The following GOLM2 variants were observed in gnomAD, a reference collection of about 807,000 sequenced individuals.
GOLM2 encodes golgi membrane protein 2.
GOLM2 carries 26 observed loss-of-function variants against 55.9 expected under a neutral mutation model. The observed-to-expected ratio is 0.47, with a 90% CI of 0.34 to 0.65. The LOEUF (loss-of-function observed/expected upper bound fraction) is 0.65. GOLM2 is among the 30% of genes least tolerant of loss of function. The pLI, the probability that GOLM2 is intolerant of heterozygous loss-of-function variation, is 0.01. For synonymous variants in GOLM2, 165 were observed against 194.6 expected (o/e 0.85, Z 1.27); for missense variants, 486 against 531.8 (o/e 0.91, Z 0.85).
intron 6 of GOLM2, among the ~76,000 whole-genome samples, chr15:44,344,321 T>C (rs76528287): frequency 0.05 from 7,439 of 149,026 alleles, 303 homozygotes; most frequent in East Asian, 0.19. Flanking sequence ...ACCTCTGAAA[T>C]AGTCAAGGGT....
chr15:44,384,608 G>A (rs1026368585), intron 8 of GOLM2, among the ~76,000 whole-genome samples: 6 of 152,126 alleles, frequency 3.9e-5, no homozygotes, highest in South Asian at 4.1e-4. Flanking sequence ...TTAGCCGGGC[G>A]TGGTGGCGGG....
intron 6 of GOLM2, among the ~76,000 whole-genome samples, chr15:44,372,124 C>G (rs532622760): frequency 2.0e-5 from 3 of 152,296 alleles, no homozygotes; most frequent in South Asian, 4.1e-4. Context: ...AAAATCTGGT[C>G]TAACTCCAAA....
chr15:44,337,951 G>C, intron 5 of GOLM2, 44 bp downstream of exon 5: 4 of 1,514,108 alleles, frequency 2.6e-6, no homozygotes, highest in Non-Finnish European at 3.6e-6. Flanking sequence ...ATAGGATATT[G>C]ACTTTTTCTT....
In GOLM2 at chr15:44,403,024, G is replaced by C; in HGVS notation, c.1210G>C (p.Asp404His). 1.2e-6 allele frequency: 2 copies of C among 1,614,152 alleles called. No homozygotes were observed. Among genetic ancestry groups the C allele is most frequent in the Non-Finnish European group, 1.7e-6 (2 of 1,180,016 alleles). ...TGAGCTGGCTTACAATGAGGAAGAA[G>C]ATGGTGATGGTGGAGAGGAAGACGT... ...QAELAYNEEE[D>H]GDGGEEDVQD... is the part of the protein sequence containing the mutation. Residue 404 changes from aspartate (D) to histidine (H), a missense_variant, in exon 9 of 10, where the codon GAT becomes CAT. Physicochemically the swap from Asp to His is moderately conservative, Grantham distance 81 (BLOSUM62 -1). Transcript: ENST00000299957.
intron 6 of GOLM2, among the ~76,000 whole-genome samples, chr15:44,356,607 A>T (rs1167754421): frequency 6.6e-6 from 1 of 152,200 alleles, no homozygotes; most frequent in Non-Finnish European, 1.5e-5. Context: ...CCAGGTACAG[A>T]TGGGTTTGCC....
chr15:44,397,854 T>C (rs973119235), intron 8 of GOLM2, among the ~76,000 whole-genome samples: 4 of 152,156 alleles, frequency 2.6e-5, no homozygotes, highest in Non-Finnish European at 5.9e-5. Context: ...CCTTCCCAAT[T>C]TGGGATATAG....
intron 6 of GOLM2, among the ~76,000 whole-genome samples, chr15:44,340,389 C>G (rs576226605): frequency 3.9e-5 from 6 of 152,132 alleles, no homozygotes; most frequent in African/African-American, 1.4e-4. Context: ...CCACCTCAGC[C>G]TTCTAGGACT....
At chr15:44,385,058 G>A (rs1336198435) in intron 8 of GOLM2, among the ~76,000 whole-genome samples, 1 of 152,080 alleles carries the variant, frequency 6.6e-6, no homozygotes, top group African/African-American at 2.4e-5. Context: ...TCAGTTGTAT[G>A]GATACATTTT....
rs774026349 is a variant in GOLM2, at chr15:44,413,369, C to A, written c.1274C>A (p.Ala425Glu). 6.8e-6 allele frequency: 11 copies of A among 1,610,808 alleles called. No individual in the cohort carries two copies. The highest frequency in any genetic ancestry group is 9.3e-6 in the Non-Finnish European group (11 of 1,179,122). The change falls in exon 10 of 10, where the codon GCA (alanine) becomes GAA (glutamate). Residue 425 changes from alanine to glutamate, a missense_variant. By Grantham distance (107) the Ala-to-Glu change is moderately radical (BLOSUM62 -1). Transcript: ENST00000299957. ...DEERELQMDP[A>E]DYGKQHFNDV... ...GAACGAGAGCTTCAAATGGATCCTG[C>A]AGACTATGGAAAGCAACATTTCAAT...
In GOLM2 at chr15:44,415,248, T is replaced by C. The variant is rs991510095; in HGVS notation, c.*1842T>C. On this transcript the variant is annotated 3_prime_UTR_variant, in exon 10 of 10. Coordinates refer to ENST00000299957, the MANE Select transcript of GOLM2 (RefSeq NM_138423.4). ...GGGTCAGGCCTACAATGAATAGGTA[T>C]GGTGGTTTCACAGAATTTTAAAATA... 10 of 152,628 alleles carry C rather than the reference T, an allele frequency of 6.6e-5. No homozygotes were observed. The highest frequency in any genetic ancestry group is 2.2e-4 in the African/African-American group (9 of 41,458). 9.5% of individuals were successfully genotyped at this position (152,628 alleles called of 1,614,324 possible). A position where few individuals can be genotyped will look rare whatever the true frequency, so the allele number is the denominator to read the frequency against.
In GOLM2 at chr15:44,350,400, A is replaced by T. The variant is rs553961101; in HGVS notation, c.802+12083A>T. 4.5e-4 allele frequency among the ~76,000 whole-genome samples: 68 copies of T among 152,330 alleles called. No homozygotes were observed. The South Asian group carries it at 0.011, about 25-fold the overall frequency. ...GAAAGGGTTAAATTCCTAGACACAT[A>T]CAGTCTACTAAGATAGAACCATGAG... On this transcript the variant is annotated intron_variant, in intron 6 of 9. Transcript: ENST00000299957.
At chr15:44,348,589 C>T (rs1057194130) in intron 6 of GOLM2, 3 of 152,172 alleles carry the variant, frequency 2.0e-5, no homozygotes, top group African/African-American at 7.2e-5. Context: ...GGGAATTTGC[C>T]ACCCTGAAAG....
At chr15:44,411,013 CTTTTTTTTT>C (rs201998296) in intron 9 of GOLM2, among the ~76,000 whole-genome samples, 4 of 81,330 alleles carry the variant, frequency 4.9e-5, no homozygotes, top group African/African-American at 1.3e-4. Flanking sequence ...GTTTGTTTGA[CTTTTTTTTT>C]TTTTTTTTTT....
chr15:44,301,512 A>G (rs2141110433), intron 1 of GOLM2, among the ~76,000 whole-genome samples: 1 of 152,316 alleles, frequency 6.6e-6, no homozygotes, highest in South Asian at 2.1e-4. Context: ...TGAACAAGAC[A>G]GATATGGTAT....
At chr15:44,363,419 T>C (rs1210032652) in intron 6 of GOLM2, among the ~76,000 whole-genome samples, 4 of 152,204 alleles carry the variant, frequency 2.6e-5, no homozygotes, top group Non-Finnish European at 1.5e-5. Flanking sequence ...AAGCCATTTA[T>C]GCAGCCAAAA....
Position 44,413,303 on chromosome 15 carries a change from T to G in GOLM2, c.1241-33T>G, listed in dbSNP as rs746827755. The G allele has an allele frequency of 2.0e-6, 3 of 1,515,902 alleles. No individual in the cohort carries two copies. In the African/African-American group the frequency reaches 4.1e-5, roughly 21 times the overall value. 93.9% of individuals were successfully genotyped at this position (1,515,902 alleles called of 1,614,324 possible). On this transcript the variant is annotated intron_variant, in intron 9 of 9. Coordinates refer to ENST00000299957, the MANE Select transcript of GOLM2 (RefSeq NM_138423.4). Reference sequence around the variant, plus strand: ...TGGATTTCTGCAGTGATTTAAAAAATAATATGTTGATACAAAATTATTTTA... The same window carrying G: ...TGGATTTCTGCAGTGATTTAAAAAAGAATATGTTGATACAAAATTATTTTA...
At chr15:44,352,497 C>G (rs1364070414) in intron 6 of GOLM2, among the ~76,000 whole-genome samples, 1 of 152,088 alleles carries the variant, frequency 6.6e-6, no homozygotes, top group South Asian at 2.1e-4. Context: ...CTCCCTGGGA[C>G]ATCAGACTGG....
intron 8 of GOLM2, among the ~76,000 whole-genome samples, chr15:44,402,318 C>G (rs1469834475): frequency 6.6e-6 from 1 of 151,646 alleles, no homozygotes; most frequent in Non-Finnish European, 1.5e-5. Flanking sequence ...TTTGTCATCC[C>G]TTTTTGGAAA....
chr15:44,372,705 G>C (rs911501699), intron 6 of GOLM2, among the ~76,000 whole-genome samples: 1 of 152,156 alleles, frequency 6.6e-6, no homozygotes. Flanking sequence ...GGAGCTACCA[G>C]ATACAGTCCC....
Sources: allele counts gnomAD v4.1 joint callset (sites outside exome capture counted in the v4.1 genomes callset), GRCh38; gene constraint gnomAD v4.1.1; transcripts MANE v1.5; gene names NCBI Gene and HGNC (gene_info 2026-07-23, HGNC 2026-07-21).